RBFOX1: variants seen among roughly 807,000 people sequenced by gnomAD.
RBFOX1 encodes RNA binding protein fox-1 homolog 1.
RBFOX1 carries 8 observed loss-of-function variants against 57.7 expected under a neutral mutation model. The ratio of observed to expected loss-of-function variants is 0.14; its 90% CI spans 0.08 to 0.25. The LOEUF is 0.25. RBFOX1 is among the 10% of genes least tolerant of loss of function. The pLI, the probability that RBFOX1 is intolerant of heterozygous loss-of-function variation, is 1.00. For synonymous variants in RBFOX1, 326 were observed against 222.4 expected (o/e 1.47, Z -4.15); for missense variants, 611 against 548.5 (o/e 1.11, Z -1.14).
intron 3 of RBFOX1, among the ~76,000 whole-genome samples, chr16:6,921,421 C>A (rs938295113): frequency 6.6e-6 from 1 of 152,060 alleles, no homozygotes; most frequent in Non-Finnish European, 1.5e-5. Flanking sequence ...CAATTTATTT[C>A]CTGTGACCGT....
chr16:7,225,108 G>A (rs2093008590), intron 4 of RBFOX1, among the ~76,000 whole-genome samples: 1 of 152,090 alleles, frequency 6.6e-6, no homozygotes, highest in South Asian at 2.1e-4. Context: ...TTCCAAAAAG[G>A]GCTTATCATC....
At chr16:5,732,707 C>A (rs2083230707) in intron 3 of RBFOX1, among the ~76,000 whole-genome samples, 1 of 152,072 alleles carries the variant, frequency 6.6e-6, no homozygotes, top group Admixed American at 6.6e-5. Context: ...ATTTTTCACC[C>A]ATTTACTTAA....
At chr16:6,750,724 T>G (rs1238763773) in intron 3 of RBFOX1, among the ~76,000 whole-genome samples, 1 of 152,220 alleles carries the variant, frequency 6.6e-6, no homozygotes, top group Non-Finnish European at 1.5e-5. Context: ...ATTGCTAATG[T>G]TAAAGGGATA....
intron 3 of RBFOX1, among the ~76,000 whole-genome samples, chr16:5,636,246 G>A (rs967050908): frequency 2.6e-5 from 4 of 152,172 alleles, no homozygotes; most frequent in African/African-American, 9.7e-5. Context: ...TACTCTGGAG[G>A]CCGATGCAGG....
chr16:6,549,930 C>T (rs1320888127), intron 2 of RBFOX1, among the ~76,000 whole-genome samples: 2 of 152,134 alleles, frequency 1.3e-5, no homozygotes, highest in Non-Finnish European at 2.9e-5. Flanking sequence ...CTCTGCTTAC[C>T]AGTTCACAGA....
At chr16:6,406,068 G>T (rs1215804998) in intron 2 of RBFOX1, among the ~76,000 whole-genome samples, 1 of 152,164 alleles carries the variant, frequency 6.6e-6, no homozygotes, top group Non-Finnish European at 1.5e-5. Context: ...ATATGTCCTG[G>T]TGGATCTTAC....
chr16:7,318,718 TTCTTG>T (rs2096490071), intron 4 of RBFOX1, among the ~76,000 whole-genome samples: 2 of 152,198 alleles, frequency 1.3e-5, no homozygotes, highest in African/African-American at 4.8e-5. Flanking sequence ...TTCTGCTATA[TTCTTG>T]ATTTTGCTTT....
Position 7,340,940 on chromosome 16 carries a change from C to T in RBFOX1, c.28-177207C>T, listed in dbSNP as rs144356597. 3.4e-3 allele frequency among the ~76,000 whole-genome samples: 512 copies of T among 152,188 alleles called. 2 individuals carry two copies. Among genetic ancestry groups the T allele is most frequent in the African/African-American group, 0.012 (479 of 41,534 alleles). On this transcript the variant is annotated intron_variant, in intron 4 of 15. Transcript: ENST00000550418. ...ATCAGCAACTATGCTTTTTATAATACGTTGGCACAGGGCAGGGAGGGTTGG... is the reference window on the plus strand; with the variant it reads ...ATCAGCAACTATGCTTTTTATAATATGTTGGCACAGGGCAGGGAGGGTTGG...
chr16:6,960,277 C>G (rs2082683922), intron 3 of RBFOX1, among the ~76,000 whole-genome samples: 1 of 152,118 alleles, frequency 6.6e-6, no homozygotes, highest in Non-Finnish European at 1.5e-5. Flanking sequence ...GTCTTCAGGC[C>G]TCAGATCTTA....
intron 4 of RBFOX1, among the ~76,000 whole-genome samples, chr16:7,233,367 C>A (rs997390707): frequency 6.6e-6 from 1 of 152,170 alleles, no homozygotes; most frequent in Non-Finnish European, 1.5e-5. Flanking sequence ...ATGTTATTCA[C>A]GTGCTTCCAA....
chr16:5,667,251 C>G (rs1024097011), intron 3 of RBFOX1, among the ~76,000 whole-genome samples: 4 of 152,174 alleles, frequency 2.6e-5, no homozygotes, highest in Non-Finnish European at 5.9e-5. Flanking sequence ...TCTCCACCCC[C>G]AAGATTCCTG....
intron 2 of RBFOX1, among the ~76,000 whole-genome samples, chr16:6,473,209 A>C (rs1037512827): frequency 6.6e-6 from 1 of 151,876 alleles, no homozygotes; most frequent in Non-Finnish European, 1.5e-5. Context: ...CTACTTATCT[A>C]TTTTGTTTTC....
chr16:5,318,155 G>A (rs2064294067), intron 1 of RBFOX1, among the ~76,000 whole-genome samples: 1 of 152,054 alleles, frequency 6.6e-6, no homozygotes. Flanking sequence ...TTAAGACAGT[G>A]TCTCACTGTG....
intron 3 of RBFOX1, among the ~76,000 whole-genome samples, chr16:6,661,996 C>T (rs2098704392): frequency 6.6e-6 from 1 of 151,936 alleles, no homozygotes; most frequent in Non-Finnish European, 1.5e-5. Context: ...ATAGATGAAC[C>T]TAGAGGACAT....
chr16:6,659,403 G>C (rs2098687017), intron 3 of RBFOX1, among the ~76,000 whole-genome samples: 1 of 152,130 alleles, frequency 6.6e-6, no homozygotes, highest in African/African-American at 2.4e-5. Context: ...TTGGGAGATA[G>C]CTTTCGTGCT....
intron 4 of RBFOX1, among the ~76,000 whole-genome samples, chr16:7,115,765 T>C (rs1040328163): frequency 7.9e-5 from 12 of 152,120 alleles, no homozygotes; most frequent in Admixed American, 2.6e-4. Flanking sequence ...TTCATCCCTA[T>C]AATTAATTAA....
At chr16:6,909,188 A>G (rs1022778097) in intron 3 of RBFOX1, among the ~76,000 whole-genome samples, 4 of 152,198 alleles carry the variant, frequency 2.6e-5, no homozygotes, top group African/African-American at 9.6e-5. Flanking sequence ...CTTTGGGAGA[A>G]TGTAGTTTCC....
chr16:5,281,565 C>T (rs374243433), intron 1 of RBFOX1, among the ~76,000 whole-genome samples: 8 of 152,110 alleles, frequency 5.3e-5, no homozygotes, highest in East Asian at 1.9e-4. Flanking sequence ...TCTATCTCTC[C>T]GTCTAGATTT....
intron 1 of RBFOX1, among the ~76,000 whole-genome samples, chr16:6,203,773 A>G (rs1416559197): frequency 6.6e-6 from 1 of 152,216 alleles, no homozygotes; most frequent in African/African-American, 2.4e-5. Context: ...TGGTGCAGCC[A>G]CAATGGAAAG....
Sources: allele counts gnomAD v4.1 joint callset (sites outside exome capture counted in the v4.1 genomes callset), GRCh38; gene constraint gnomAD v4.1.1; transcripts MANE v1.5; gene names NCBI Gene and HGNC (gene_info 2026-07-23, HGNC 2026-07-21).